KIFC3: variants seen among roughly 807,000 people sequenced by gnomAD.
The protein encoded by KIFC3 is kinesin-like protein KIFC3.
KIFC3 carries 60 observed loss-of-function variants against 101.8 expected under a neutral mutation model. That is an observed-to-expected ratio of 0.59 (90% CI 0.48 to 0.73). The LOEUF (loss-of-function observed/expected upper bound fraction) is 0.73, where lower values mean the gene tolerates loss of function less well. Among genes scored for constraint, KIFC3 ranks in the 30% least tolerant of loss-of-function variants. The pLI is 0.00. For missense variants in KIFC3, 966 were observed against 1,137.1 expected (o/e 0.85, Z 2.16); for synonymous variants, 476 against 482.7 (o/e 0.99, Z 0.18).
upstream of KIFC3, among the ~76,000 whole-genome samples, chr16:57,805,491 C>A (rs548823777): frequency 1.3e-5 from 2 of 152,208 alleles, no homozygotes; most frequent in South Asian, 4.1e-4. Context: ...TCAGCCTTAG[C>A]CTTGACCCTT....
At chr16:57,850,621 G>A (rs759636842) in intron 1 of KIFC3, among the ~76,000 whole-genome samples, 4 of 151,258 alleles carry the variant, frequency 2.6e-5, no homozygotes, top group Non-Finnish European at 4.4e-5. Context: ...GATTACAGGC[G>A]CCTGCCACCA....
At chr16:57,768,533 A>ACACACACACACACACACACACACACACG (rs782552995) in intron 9 of KIFC3, among the ~76,000 whole-genome samples, 3 of 151,582 alleles carry the variant, frequency 2.0e-5, no homozygotes, top group African/African-American at 7.3e-5. Context: ...ACACACACAC[A>ACACACACACACACACACACACACACACG]CACGCACAAT....
Position 57,759,115 on chromosome 16 carries a change from CCA to C in KIFC3, c.*24+8_*24+9del. The C allele has an allele frequency of 6.4e-7, 1 of 1,550,668 alleles. No homozygotes were observed. The highest frequency in any genetic ancestry group is 8.7e-7 in the Non-Finnish European group (1 of 1,146,938). ...GGCGGGCAGCCCTGGGCCACAGGCC[CCA>C]CACTCACCTAGAGACTCTGCAGCCC... On this transcript the variant is annotated splice_region_variant and intron_variant, in intron 19 of 19. Transcript: ENST00000445690.
At chr16:57,847,268 A>AAGGAAGGAAGGAAGGG (rs1251452376) in intron 1 of KIFC3, among the ~76,000 whole-genome samples, 6 of 58,562 alleles carry the variant, frequency 1.0e-4, no homozygotes, top group Admixed American at 1.9e-4. Context: ...GGAAGGAAGG[A>AAGGAAGGAAGGAAGGG]AGGGAAGGGA....
Position 57,797,753 on chromosome 16 carries a change from G to C in KIFC3, c.172+319C>G. On this transcript the variant is annotated intron_variant, in intron 2 of 19. Coordinates refer to ENST00000445690, the MANE Select transcript of KIFC3 (RefSeq NM_001130100.2). ...ACCGGAGCTAGCCCACACGCTCTTGGCCAAGGACGGCAGCCCGCAGAGCTC... is the reference window on the plus strand; with the variant it reads ...ACCGGAGCTAGCCCACACGCTCTTGCCCAAGGACGGCAGCCCGCAGAGCTC... 5 of 1,263,342 alleles carry C rather than the reference G, an allele frequency of 4.0e-6. No individual in the cohort carries two copies. In the South Asian group the frequency reaches 6.7e-5, roughly 17 times the overall value. The allele number at this position is 1,263,342 out of a possible 1,614,324, so 78.3% of individuals were successfully genotyped here.
At chr16:57,852,023 G>A (rs1315895925) in intron 1 of KIFC3, among the ~76,000 whole-genome samples, 6 of 152,118 alleles carry the variant, frequency 3.9e-5, no homozygotes, top group Non-Finnish European at 8.8e-5. Flanking sequence ...TTACAAGTGT[G>A]AGCCACCACA....
At position 57,760,377 on chromosome 16, in the gene KIFC3, A is replaced by T. The variant is rs201027786; in HGVS notation, c.2272T>A (p.Ser758Thr). ...CGCACCCTCTCAGCAAACTTGAGGG[A>T]ATAGAGCGTCTCGCTAGTGTTCTTC... is the stretch of plus-strand genomic sequence containing the variant. ...VEKNTSETLY[S>T]LKFAERVRSV... The change falls in exon 17 of 20, where the codon TCC becomes ACC. Residue 758 changes from serine to threonine, a missense_variant. Ser to Thr is a moderately conservative substitution (Grantham distance 58). Coordinates refer to ENST00000445690, the MANE Select transcript of KIFC3 (RefSeq NM_001130100.2). 1 of 1,613,960 alleles carries T rather than the reference A, an allele frequency of 6.2e-7. No homozygotes were observed. Among genetic ancestry groups the T allele is most frequent in the Non-Finnish European group, 8.5e-7 (1 of 1,179,982 alleles).
chr16:57,762,025 C>A (rs1313766161), intron 13 of KIFC3, 115 bp downstream of exon 13: 1 of 1,353,306 alleles, frequency 7.4e-7, no homozygotes, highest in African/African-American at 1.5e-5. Flanking sequence ...AAAGCTGCCC[C>A]TGAGGCCTGC....
At chr16:57,789,040 C>T (rs2053616751) in intron 3 of KIFC3, among the ~76,000 whole-genome samples, 1 of 152,238 alleles carries the variant, frequency 6.6e-6, no homozygotes, top group African/African-American at 2.4e-5. Context: ...AGCACAGAGG[C>T]TGGCTTGCTT....
intron 2 of KIFC3, among the ~76,000 whole-genome samples, chr16:57,796,764 A>C (rs1475414766): frequency 6.6e-6 from 1 of 152,256 alleles, no homozygotes; most frequent in Non-Finnish European, 1.5e-5. Flanking sequence ...ACACACAGAC[A>C]CACACGACTA....
intron 1 of KIFC3, among the ~76,000 whole-genome samples, chr16:57,819,500 A>G (rs2055306535): frequency 6.6e-6 from 1 of 152,126 alleles, no homozygotes; most frequent in South Asian, 2.1e-4. Flanking sequence ...CATATAAAGG[A>G]GAGACTGTCA....
Position 57,760,770 on chromosome 16 carries a change from G to C in KIFC3, c.2188C>G (p.Gln730Glu). 1 of 1,613,884 alleles carries C rather than the reference G, an allele frequency of 6.2e-7. No homozygotes were observed. Among genetic ancestry groups the C allele is most frequent in the Non-Finnish European group, 8.5e-7 (1 of 1,180,014 alleles). Residue 730 changes from glutamine to glutamate, a missense_variant, in exon 16 of 20, where the codon CAG becomes GAG. Around this residue, in one of 2 missense-constraint regions of KIFC3, gnomAD observed 689 missense variants for 884.6 expected, o/e 0.78. Coordinates refer to ENST00000445690, the MANE Select transcript of KIFC3 (RefSeq NM_001130100.2). ...TTGCTGTCACCACTAAGCGAATCCT[G>C]CAGCAGGTAGGTGAGCTTGGAGTTG... ...FRNSKLTYLL[Q>E]DSLSGDSKTL...
intron 14 of KIFC3, 111 bp downstream of exon 14, chr16:57,761,302 C>A: frequency 6.4e-7 from 1 of 1,566,182 alleles, no homozygotes. Flanking sequence ...CTCAGAGAGG[C>A]GTGCGGACTT....
chr16:57,765,676 C>A (rs376193232), intron 10 of KIFC3, 36 bp from the exon 11 acceptor site: 243 of 1,569,144 alleles, frequency 1.5e-4, no homozygotes, highest in Admixed American at 2.0e-4. Flanking sequence ...GGGTCCAGGC[C>A]ATGTCAAGAC....
intron 3 of KIFC3, among the ~76,000 whole-genome samples, chr16:57,791,390 GGCCAA>G (rs1406914765): frequency 6.6e-6 from 1 of 152,184 alleles, no homozygotes. Flanking sequence ...CTGGCCTGTT[GGCCAA>G]GCCACAGGAA....
chr16:57,817,000 A>T, intron 1 of KIFC3: 1 of 321,968 alleles, frequency 3.1e-6, no homozygotes, highest in South Asian at 2.5e-5. Context: ...GAATTATCAC[A>T]TGCATTCATT....
At chr16:57,785,103 G>A (rs550825641) in intron 3 of KIFC3, among the ~76,000 whole-genome samples, 4 of 152,316 alleles carry the variant, frequency 2.6e-5, no homozygotes, top group African/African-American at 4.8e-5. Flanking sequence ...GCAGGGCACC[G>A]TCGAAGATGG....
chr16:57,847,932 C>T (rs1167006612), intron 1 of KIFC3, among the ~76,000 whole-genome samples: 1 of 151,770 alleles, frequency 6.6e-6, no homozygotes, highest in Non-Finnish European at 1.5e-5. Context: ...GACACAGGCG[C>T]ACCCCACCAC....
intron 3 of KIFC3, among the ~76,000 whole-genome samples, chr16:57,785,862 C>G (rs1555617509): frequency 1.3e-5 from 2 of 152,068 alleles, no homozygotes; most frequent in African/African-American, 4.8e-5. Context: ...GAAGACACTT[C>G]CCCAGGCAGC....
Sources: allele counts gnomAD v4.1 joint callset (sites outside exome capture counted in the v4.1 genomes callset), GRCh38; gene constraint gnomAD v4.1.1; regional missense constraint gnomAD v4.1.1; transcripts MANE v1.5; gene names NCBI Gene and HGNC (gene_info 2026-07-23, HGNC 2026-07-21).